The following ZNF385D variants were observed in gnomAD, a reference collection of about 807,000 sequenced individuals.
The protein encoded by ZNF385D is zinc finger protein 659.
Under a neutral mutation model 35.8 loss-of-function variants are expected in ZNF385D, and 15 were observed. The ratio of observed to expected loss-of-function variants is 0.42; its 90% confidence interval spans 0.28 to 0.64. ZNF385D has a LOEUF of 0.64. Ranked by LOEUF, ZNF385D falls within the 30% of genes least tolerant of loss-of-function variation. The probability of loss-of-function intolerance (pLI) is 0.23; values close to 1 mark genes in which losing one functional copy is unlikely to be tolerated. For missense variants in ZNF385D, 474 were observed against 494.6 expected (o/e 0.96, Z 0.39); for synonymous variants, 212 against 186.8 (o/e 1.13, Z -1.10).
chr3:22,147,810 A>C (rs1397036953), intron 3 of ZNF385D, among the ~76,000 whole-genome samples: 1 of 152,180 alleles, frequency 6.6e-6, no homozygotes. Context: ...CATTGGCCAC[A>C]GATTCCAGTG....
At chr3:21,565,705 CAT>C (rs1375160700) in intron 2 of ZNF385D, among the ~76,000 whole-genome samples, 1 of 152,160 alleles carries the variant, frequency 6.6e-6, no homozygotes, top group East Asian at 1.9e-4. Context: ...TGTTGTAGCA[CAT>C]GTGAAGATCA....
chr3:22,160,120 G>A (rs1020131073), intron 3 of ZNF385D, among the ~76,000 whole-genome samples: 5 of 151,988 alleles, frequency 3.3e-5, no homozygotes, highest in Admixed American at 2.0e-4. Context: ...CACCATGATT[G>A]TAAGCTTCCT....
At chr3:22,288,310 T>C (rs900145011) in intron 2 of ZNF385D, among the ~76,000 whole-genome samples, 2 of 152,112 alleles carry the variant, frequency 1.3e-5, no homozygotes, top group African/African-American at 4.8e-5. Flanking sequence ...GCAAGTATTA[T>C]GCCATTATTT....
At chr3:21,511,493 A>G (rs1707196552) in intron 3 of ZNF385D, 2 of 358,324 alleles carry the variant, frequency 5.6e-6, no homozygotes, top group South Asian at 4.3e-5. Flanking sequence ...GGTTCACACA[A>G]AACAGGGGAA....
chr3:21,913,409 G>C (rs1188203376), intron 3 of ZNF385D, among the ~76,000 whole-genome samples: 2 of 151,980 alleles, frequency 1.3e-5, no homozygotes, highest in Admixed American at 1.3e-4. Context: ...ATGTTAGATG[G>C]GACTACCTAC....
intron 2 of ZNF385D, among the ~76,000 whole-genome samples, chr3:22,334,753 C>T (rs1007551113): frequency 1.3e-5 from 2 of 152,022 alleles, no homozygotes; most frequent in African/African-American, 2.4e-5. Flanking sequence ...CAGTTTTTAG[C>T]AGCTTTACCA....
intron 3 of ZNF385D, among the ~76,000 whole-genome samples, chr3:21,768,518 G>T (rs2335435): frequency 0.54 from 82,552 of 151,520 alleles, 22,969 homozygotes; most frequent in East Asian, 0.78. Flanking sequence ...TAAAGTGGAG[G>T]GAATTTTTAT....
chr3:22,110,788 TAAAAAA>T (rs72518246), intron 3 of ZNF385D, among the ~76,000 whole-genome samples: 1 of 140,938 alleles, frequency 7.1e-6, no homozygotes, highest in African/African-American at 2.7e-5. Flanking sequence ...TAAAGTATAA[TAAAAAA>T]AAAAAGAAAA....
chr3:21,659,532 A>G (rs1322207410), intron 2 of ZNF385D, among the ~76,000 whole-genome samples: 3 of 152,102 alleles, frequency 2.0e-5, no homozygotes, highest in African/African-American at 4.8e-5. Flanking sequence ...GTCCTGAGCA[A>G]TGTCATACAA....
intron 3 of ZNF385D, among the ~76,000 whole-genome samples, chr3:22,005,083 A>C (rs4485740): frequency 0.46 from 54,018 of 117,114 alleles, 14,822 homozygotes; most frequent in African/African-American, 0.73. Flanking sequence ...AAAAAAAAAA[A>C]AGGCAGAAAA....
intron 3 of ZNF385D, among the ~76,000 whole-genome samples, chr3:21,931,426 G>A (rs680685): frequency 0.19 from 28,394 of 152,106 alleles, 3,417 homozygotes; most frequent in East Asian, 0.39. Flanking sequence ...AGATGACCCA[G>A]CAGTTACATT....
intron 2 of ZNF385D, among the ~76,000 whole-genome samples, chr3:22,366,685 C>A (rs185136863): frequency 6.6e-6 from 1 of 152,248 alleles, no homozygotes; most frequent in East Asian, 1.9e-4. Context: ...ACTGAAAATA[C>A]ATTAGTTCGT....
chr3:21,819,262 A>G (rs944098349), intron 3 of ZNF385D, among the ~76,000 whole-genome samples: 1 of 151,934 alleles, frequency 6.6e-6, no homozygotes, highest in Non-Finnish European at 1.5e-5. Flanking sequence ...TGAATTTAAC[A>G]TATCATTAAT....
At chr3:21,826,376 A>G (rs1694628484) in intron 3 of ZNF385D, among the ~76,000 whole-genome samples, 2 of 152,180 alleles carry the variant, frequency 1.3e-5, no homozygotes, top group Non-Finnish European at 2.9e-5. Context: ...GGCCCTGTTC[A>G]GTGCTAGTAG....
intron 2 of ZNF385D, among the ~76,000 whole-genome samples, chr3:22,174,239 T>C (rs1307092687): frequency 6.6e-6 from 1 of 152,202 alleles, no homozygotes; most frequent in Non-Finnish European, 1.5e-5. Flanking sequence ...TAGTGTGTTT[T>C]ATCTCAACTT....
rs188076050 is a variant in ZNF385D, at chr3:22,286,023, G to A, written c.106+86427C>T. On this transcript the variant is annotated intron_variant, in intron 2 of 5. Coordinates refer to the ZNF385D transcript ENST00000494108. Reference sequence around the variant, plus strand: ...CTTATTAAATTTATTTTCTTGTAAAGCTATGAAATAAAGACACACAGGAAA... The same window carrying A: ...CTTATTAAATTTATTTTCTTGTAAAACTATGAAATAAAGACACACAGGAAA... 8.5e-5 allele frequency among the ~76,000 whole-genome samples: 13 copies of A among 152,116 alleles called. No homozygotes were observed. In the East Asian group the frequency reaches 2.1e-3, roughly 25 times the overall value.
chr3:21,445,726 C>A (rs1274525747), intron 4 of ZNF385D, among the ~76,000 whole-genome samples: 1 of 152,112 alleles, frequency 6.6e-6, no homozygotes, highest in Non-Finnish European at 1.5e-5. Context: ...AACACGGATG[C>A]TGCTGCCATC....
At chr3:21,584,196 C>T (rs559515444) in intron 2 of ZNF385D, among the ~76,000 whole-genome samples, 6 of 142,840 alleles carry the variant, frequency 4.2e-5, no homozygotes, top group Admixed American at 1.4e-4. Flanking sequence ...CCAGGCTGGT[C>T]TCAAAGTCCT....
intron 2 of ZNF385D, among the ~76,000 whole-genome samples, chr3:22,225,442 C>A (rs2638143): frequency 6.6e-5 from 10 of 152,044 alleles, no homozygotes; most frequent in African/African-American, 2.4e-4. Flanking sequence ...AATTAAATTT[C>A]TTTCCCCACT....
Sources: allele counts gnomAD v4.1 joint callset (sites outside exome capture counted in the v4.1 genomes callset), GRCh38; gene constraint gnomAD v4.1.1; transcripts MANE v1.5; gene names NCBI Gene and HGNC (gene_info 2026-07-23, HGNC 2026-07-21).